Variants in MAP4K5 observed in about 807,000 individuals in gnomAD.
The protein encoded by MAP4K5 is MAPK/ERK kinase kinase kinase 5.
Under a neutral mutation model 135.6 loss-of-function variants are expected in MAP4K5, and 82 were observed. The observed-to-expected ratio is 0.60, with a 90% confidence interval of 0.51 to 0.73. MAP4K5 has a LOEUF of 0.73. Among genes scored for constraint, MAP4K5 ranks in the 30% least tolerant of loss-of-function variants. MAP4K5 has a pLI of 0.00. For synonymous variants in MAP4K5, 347 were observed against 335.0 expected (o/e 1.04, Z -0.39); for missense variants, 907 against 1,010.9 (o/e 0.90, Z 1.39).
In MAP4K5 at chr14:50,532,017, G is replaced by C; in HGVS notation, c.33C>G (p.Ile11Met). Residue 11 changes from isoleucine (I) to methionine (M), a missense_variant, in exon 2 of 33, where the codon ATC (isoleucine) becomes ATG (methionine). Ile to Met is a conservative substitution (Grantham distance 10). Coordinates refer to ENST00000682126, the MANE Select transcript of MAP4K5 (RefSeq NM_006575.6). ...AGTCCTGCTGCGGGTTCCGCCTCAG[G>C]ATGTCCGCGGCAGGCCGCAGCGGGG... MEAPLRPAADILRRNPQQDYE... is the reference protein window; with the variant it reads MEAPLRPAADMLRRNPQQDYE... The C allele has an allele frequency of 2.5e-6, 4 of 1,590,544 alleles. No homozygotes were observed. The highest frequency in any genetic ancestry group is 3.4e-6 in the Non-Finnish European group (4 of 1,168,084).
intron 1 of MAP4K5, among the ~76,000 whole-genome samples, chr14:50,545,239 G>A (rs1595568253): frequency 6.6e-6 from 1 of 152,340 alleles, no homozygotes; most frequent in East Asian, 1.9e-4. Flanking sequence ...CTGCTCAGGA[G>A]CGCCCTGTAT....
intron 2 of MAP4K5, among the ~76,000 whole-genome samples, chr14:50,513,425 CTACA>C (rs2037970107): frequency 6.6e-6 from 1 of 152,126 alleles, no homozygotes; most frequent in African/African-American, 2.4e-5. Context: ...ATGAACTCTT[CTACA>C]TACTGTAAAA....
At chr14:50,471,980 C>A (rs775276653) in intron 9 of MAP4K5, 5 of 152,388 alleles carry the variant, frequency 3.3e-5, no homozygotes, top group Admixed American at 6.6e-5. Flanking sequence ...TGGAGAGAAA[C>A]CCTACGAACG....
chr14:50,465,785 A>G (rs2036818800), intron 11 of MAP4K5, among the ~76,000 whole-genome samples: 1 of 152,188 alleles, frequency 6.6e-6, no homozygotes, highest in African/African-American at 2.4e-5. Context: ...ACTGGATTAT[A>G]AAGAACACTG....
chr14:50,534,074 A>T (rs1046828011), upstream of MAP4K5, among the ~76,000 whole-genome samples: 2 of 152,170 alleles, frequency 1.3e-5, no homozygotes, highest in African/African-American at 4.8e-5. Context: ...ATCTCTTCAA[A>T]TGTTCTATTG....
Position 50,438,045 on chromosome 14 carries a change from T to A in MAP4K5, c.1709-37A>T, listed in dbSNP as rs770717968. 4.2e-5 allele frequency: 46 copies of A among 1,096,686 alleles called. No homozygotes were observed. In the South Asian group the frequency reaches 5.5e-4, roughly 13 times the overall value. The allele number at this position is 1,096,686 out of a possible 1,614,324, so 67.9% of individuals were successfully genotyped here. On this transcript the variant is annotated intron_variant, in intron 24 of 32. Coordinates refer to ENST00000682126, the MANE Select transcript of MAP4K5 (RefSeq NM_006575.6). ...AAACATGTTACCTTTTTGAGAATCA[T>A]TTACAGCAGAGAAATACAATTTTCG...
chr14:50,504,766 C>T (rs1311756642), intron 3 of MAP4K5, 34 bp downstream of exon 3: 20 of 1,443,694 alleles, frequency 1.4e-5, no homozygotes, highest in Non-Finnish European at 1.9e-5. Flanking sequence ...TATGGAAAAC[C>T]CTCAAAAATT....
At chr14:50,545,135 A>C (rs1319766439) in intron 1 of MAP4K5, among the ~76,000 whole-genome samples, 1 of 152,138 alleles carries the variant, frequency 6.6e-6, no homozygotes, top group African/African-American at 2.4e-5. Context: ...TAAGAAAAAC[A>C]GTCTCATTGC....
At chr14:50,479,444 CATCCTTTGTTAA>C (rs145473024) in intron 6 of MAP4K5, among the ~76,000 whole-genome samples, 2,199 of 152,176 alleles carry the variant, frequency 0.014, 41 homozygotes, top group African/African-American at 0.051. Context: ...TGTTAATTAA[CATCCTTTGTTAA>C]TTCCTTTGTT....
chr14:50,437,852 C>T (rs768353924), intron 25 of MAP4K5, 42 bp downstream of exon 25: 2 of 1,204,978 alleles, frequency 1.7e-6, no homozygotes, highest in South Asian at 1.3e-5. Context: ...AAAATAAACA[C>T]TAATTCCCCT....
At chr14:50,560,382 C>T (rs2038822380) in intron 1 of MAP4K5, 9 of 1,538,494 alleles carry the variant, frequency 5.8e-6, no homozygotes, top group Non-Finnish European at 8.0e-6. Flanking sequence ...CAGGGAGGGC[C>T]AAGGGCTGCT....
intron 21 of MAP4K5, among the ~76,000 whole-genome samples, chr14:50,441,706 CAGAACA>C (rs983538876): frequency 1.6e-4 from 24 of 150,350 alleles, no homozygotes; most frequent in Non-Finnish European, 3.5e-4. Context: ...GCCTGGGCAA[CAGAACA>C]AGACTCTGTC....
chr14:50,422,856 T>C (rs1040085841), intron 32 of MAP4K5, among the ~76,000 whole-genome samples: 1 of 152,160 alleles, frequency 6.6e-6, no homozygotes, highest in Non-Finnish European at 1.5e-5. Flanking sequence ...GCTCTCATAG[T>C]ACTAGGGACA....
intron 3 of MAP4K5, among the ~76,000 whole-genome samples, chr14:50,486,402 T>C (rs960359297): frequency 6.6e-6 from 1 of 152,140 alleles, no homozygotes; most frequent in Admixed American, 6.5e-5. Flanking sequence ...CTTACAAATT[T>C]TTTTTTTCTT....
intron 5 of MAP4K5, among the ~76,000 whole-genome samples, chr14:50,484,490 T>C (rs1177386420): frequency 6.6e-6 from 1 of 152,228 alleles, no homozygotes; most frequent in African/African-American, 2.4e-5. Context: ...CATTTTGCTA[T>C]ACATTTACAT....
chr14:50,462,853 T>G (rs2036743313), intron 12 of MAP4K5, 72 bp from the exon 13 acceptor site: 4 of 854,940 alleles, frequency 4.7e-6, no homozygotes, highest in South Asian at 4.2e-5. Flanking sequence ...GCTATCTTCA[T>G]TTTTTCATTC....
intron 1 of MAP4K5, among the ~76,000 whole-genome samples, chr14:50,558,847 T>G (rs1413933955): frequency 3.3e-5 from 5 of 152,248 alleles, no homozygotes; most frequent in Non-Finnish European, 7.3e-5. Context: ...TTCATTAATG[T>G]CATTTCAACT....
At chr14:50,493,517 C>T (rs1005800039) in intron 3 of MAP4K5, among the ~76,000 whole-genome samples, 13 of 151,884 alleles carry the variant, frequency 8.6e-5, no homozygotes, top group African/African-American at 3.1e-4. Flanking sequence ...GTTAAAAAAT[C>T]TCTGTTCACA....
chr14:50,446,235 A>G, intron 16 of MAP4K5, 114 bp from the exon 17 acceptor site: 1 of 611,794 alleles, frequency 1.6e-6, no homozygotes, highest in Non-Finnish European at 2.8e-6. Flanking sequence ...TAAAAGACAG[A>G]TCACGATGCA....
Sources: allele counts gnomAD v4.1 joint callset (sites outside exome capture counted in the v4.1 genomes callset), GRCh38; gene constraint gnomAD v4.1.1; transcripts MANE v1.5; gene names NCBI Gene and HGNC (gene_info 2026-07-23, HGNC 2026-07-21).